DNAJB12: variants seen among roughly 807,000 people sequenced by gnomAD.
DNAJB12 encodes dnaJ homolog subfamily B member 12.
Under a neutral mutation model 40.6 loss-of-function variants are expected in DNAJB12, and 14 were observed. The ratio of observed to expected loss-of-function variants is 0.34; its 90% CI spans 0.23 to 0.54. The LOEUF (loss-of-function observed/expected upper bound fraction) is 0.54. DNAJB12 is among the 20% of genes least tolerant of loss of function. The probability of loss-of-function intolerance (pLI) is 0.92; values close to 1 mark genes in which losing one functional copy is unlikely to be tolerated. For synonymous variants in DNAJB12, 181 were observed against 199.5 expected (o/e 0.91, Z 0.78); for missense variants, 444 against 501.7 (o/e 0.89, Z 1.10).
chr10:72,351,923 C>G (rs536010087), intron 1 of DNAJB12, among the ~76,000 whole-genome samples: 2 of 152,238 alleles, frequency 1.3e-5, no homozygotes, highest in Admixed American at 6.5e-5. Context: ...TCTTCCTGGT[C>G]ACAGGGGCTT....
intron 3 of DNAJB12, 72 bp downstream of exon 3, chr10:72,343,294 C>T: frequency 1.9e-6 from 3 of 1,543,930 alleles, no homozygotes; most frequent in South Asian, 2.4e-5. Flanking sequence ...GGAAAGCTGT[C>T]TTGGTCCCTT....
At position 72,343,407 on chromosome 10, in the gene DNAJB12, G is replaced by A; in HGVS notation, c.416C>T (p.Pro139Leu). The A allele has an allele frequency of 6.2e-7, 1 of 1,614,076 alleles. No homozygotes were observed. Among genetic ancestry groups the A allele is most frequent in the Non-Finnish European group, 8.5e-7 (1 of 1,179,982 alleles). ...GGCACCAGGTGCGTGGTTCTTGTCT[G>A]GGTGGAATTTGAGGGCCAGTCTGCG... is the stretch of plus-strand genomic sequence containing the variant. ...AYRRLALKFH[P>L]DKNHAPGATE... The change falls in exon 3 of 9, where the codon CCA (proline) becomes CTA (leucine). Residue 139 changes from proline to leucine, a missense_variant. Pro to Leu is a moderately conservative substitution (Grantham distance 98). Transcript: ENST00000444643.
rs1166719915 is a variant in DNAJB12 at position 72,335,872 on chromosome 10, G to C, written c.1066C>G (p.Gln356Glu). The C allele has an allele frequency of 6.2e-7, 1 of 1,614,066 alleles. No homozygotes were observed. The highest frequency in any genetic ancestry group is 1.3e-5 in the African/African-American group (1 of 74,930). The change falls in exon 8 of 9, where the codon CAG becomes GAG. Residue 356 changes from glutamine (Q) to glutamate (E), a missense_variant. Transcript: ENST00000444643. This position sits in a 1 kb window ranked among gnomAD's most constrained non-coding sequence, Gnocchi z 4.4. ...FGDTDMYHRA[Q>E]KMGTPSCSRL... Reference sequence around the variant, plus strand: ...CTGCAGCTGGGGGTGCCCATCTTCTGTGCTCTGTGGTACATATCTGTGTCG... The same window carrying C: ...CTGCAGCTGGGGGTGCCCATCTTCTCTGCTCTGTGGTACATATCTGTGTCG...
chr10:72,340,662 T>G, intron 5 of DNAJB12, 127 bp downstream of exon 5: 4 of 954,436 alleles, frequency 4.2e-6, no homozygotes, highest in Non-Finnish European at 6.4e-6. Context: ...GCTCCTTGGC[T>G]GAGAGTTATG....
chr10:72,347,603 G>A (rs1421729273), intron 1 of DNAJB12, among the ~76,000 whole-genome samples: 10 of 152,188 alleles, frequency 6.6e-5, no homozygotes, highest in Non-Finnish European at 1.2e-4. Flanking sequence ...TATCACCCTC[G>A]GCAGCATCAT....
chr10:72,336,018 A>G, intron 7 of DNAJB12, 87 bp from the exon 8 acceptor site: 1 of 1,546,788 alleles, frequency 6.5e-7, no homozygotes, highest in Middle Eastern at 1.7e-4. Flanking sequence ...AGGGCGGAGG[A>G]AAGCTGGTAC....
At position 72,335,368 on chromosome 10, in the gene DNAJB12, T is replaced by C. The variant is rs1861441680; in HGVS notation, c.*30+412A>G. 1 of 1,002,794 alleles carries C rather than the reference T, an allele frequency of 1.0e-6. No homozygotes were observed. Among genetic ancestry groups the C allele is most frequent in the Admixed American group, 5.5e-5 (1 of 18,058 alleles). 62.1% of individuals were successfully genotyped at this position (1,002,794 alleles called of 1,614,324 possible). ...GGCAGGCAGTGTGCATATGGGGCTC[T>C]CTTGGGCCCCACCATATGTGATGGC... is the stretch of plus-strand genomic sequence containing the variant. On this transcript the variant is annotated intron_variant, in intron 8 of 8. Transcript: ENST00000444643. This position sits in a 1 kb window ranked among gnomAD's most constrained non-coding sequence, Gnocchi z 4.4.
chr10:72,352,643 G>C (rs979788507), intron 1 of DNAJB12, among the ~76,000 whole-genome samples: 2 of 152,046 alleles, frequency 1.3e-5, no homozygotes, highest in Non-Finnish European at 2.9e-5. Flanking sequence ...CTAACCTTGG[G>C]TTTATTTTTT....
intron 6 of DNAJB12, among the ~76,000 whole-genome samples, chr10:72,337,090 G>A (rs749865207): frequency 6.6e-6 from 1 of 152,186 alleles, no homozygotes; most frequent in Non-Finnish European, 1.5e-5. Context: ...CCAGTGTAGG[G>A]TTAAGAGGCT....
chr10:72,348,543 T>C lies in DNAJB12; in HGVS notation c.134-3416A>G, dbSNP rs546694144. 1.1e-3 allele frequency among the ~76,000 whole-genome samples: 169 copies of C among 152,350 alleles called. 1 individual carries two copies. The highest frequency in any genetic ancestry group is 3.7e-3 in the African/African-American group (152 of 41,588). On this transcript the variant is annotated intron_variant, in intron 1 of 8. Coordinates refer to ENST00000444643, the MANE Select transcript of DNAJB12 (RefSeq NM_017626.7). ...CCATGCTGGGTGCCACACCCACCAG[T>C]GCGACCCACTGAGGTCTGACCCAAC...
chr10:72,335,399 T>C lies in DNAJB12; in HGVS notation c.*30+381A>G, dbSNP rs1861442474. 9.8e-7 allele frequency: 1 copy of C among 1,022,492 alleles called. No individual in the cohort carries two copies. Among genetic ancestry groups the C allele is most frequent in the African/African-American group, 1.7e-5 (1 of 58,432 alleles). 63.3% of individuals were successfully genotyped at this position (1,022,492 alleles called of 1,614,324 possible). On this transcript the variant is annotated intron_variant, in intron 8 of 8. Transcript: ENST00000444643. This position sits in a 1 kb window ranked among gnomAD's most constrained non-coding sequence, Gnocchi z 4.4. ...GCCCCACCATATGTGATGGCCTAAA[T>C]ACCAGGGCACGGACAATAGTCTGCT...
At chr10:72,351,394 C>T (rs568631172) in intron 1 of DNAJB12, among the ~76,000 whole-genome samples, 74 of 152,366 alleles carry the variant, frequency 4.9e-4, no homozygotes, top group African/African-American at 1.7e-3. Flanking sequence ...GTGTGAGGTC[C>T]CTCATCCTTT....
intron 1 of DNAJB12, chr10:72,354,506 C>A: frequency 4.5e-6 from 2 of 449,082 alleles, no homozygotes; most frequent in Non-Finnish European, 8.0e-6. Context: ...GTTTCATTCT[C>A]GGAGACCTCA....
chr10:72,336,782 C>T (rs1284389839), intron 6 of DNAJB12, 86 bp from the exon 7 acceptor site: 13 of 1,177,136 alleles, frequency 1.1e-5, no homozygotes, highest in African/African-American at 1.5e-5. Context: ...CAGGAGGTGC[C>T]GCACAGACCA....
chr10:72,347,994 C>T lies in DNAJB12; in HGVS notation c.134-2867G>A, dbSNP rs962558952. ...ATCCCAGCACTCTGGGAGGCTGAGG[C>T]GGGCAGATCGCCTGAGGTCAGGAGT... On this transcript the variant is annotated intron_variant, in intron 1 of 8. Transcript: ENST00000444643. 5.3e-5 allele frequency among the ~76,000 whole-genome samples: 8 copies of T among 150,704 alleles called. No individual in the cohort carries two copies. In the South Asian group the frequency reaches 1.3e-3, roughly 24 times the overall value.
At chr10:72,334,732 C>A in intron 8 of DNAJB12, 115 bp from the exon 9 acceptor site, 1 of 1,407,510 alleles carries the variant, frequency 7.1e-7, no homozygotes, top group South Asian at 1.6e-5. Context: ...GCTGCCCGCT[C>A]GACCCCCACC....
Position 72,335,012 on chromosome 10 carries a change from T to G in DNAJB12, c.*31-395A>C. 9.4e-7 allele frequency: 1 copy of G among 1,059,014 alleles called. No individual in the cohort carries two copies. The highest frequency in any genetic ancestry group is 1.1e-6 in the Non-Finnish European group (1 of 877,220). 65.6% of individuals were successfully genotyped at this position (1,059,014 alleles called of 1,614,324 possible). A position where few individuals can be genotyped will look rare whatever the true frequency, so the allele number is the denominator to read the frequency against. ...GGAGCCTGCTACCAGCAACTCTCAT[T>G]TCCCCTCCACCCCTCCTGTGCTGAG... On this transcript the variant is annotated intron_variant, in intron 8 of 8. Transcript: ENST00000444643. The surrounding 1 kb of genome is among the most constrained non-coding windows in gnomAD (Gnocchi z 4.4).
intron 7 of DNAJB12, among the ~76,000 whole-genome samples, chr10:72,336,256 T>C (rs1861470691): frequency 6.6e-6 from 1 of 152,182 alleles, no homozygotes; most frequent in Non-Finnish European, 1.5e-5. Context: ...AGTCCATCTC[T>C]ACACACTCAC....
intron 1 of DNAJB12, among the ~76,000 whole-genome samples, chr10:72,349,355 G>C (rs369513265): frequency 1.3e-5 from 2 of 152,018 alleles, no homozygotes; most frequent in African/African-American, 4.8e-5. Context: ...GCTGGGTAGC[G>C]GGGGAGCTCC....
Sources: gnomAD v4.1 joint callset for allele counts (sites outside exome capture counted in the v4.1 genomes callset) on GRCh38, gnomAD v4.1.1 for gene constraint, Gnocchi (gnomAD v3.1) non-coding constraint, MANE v1.5 for transcripts, NCBI Gene and HGNC (gene_info 2026-07-23, HGNC 2026-07-21) for gene names.